The following L1TD1 variants were observed in gnomAD, a reference collection of about 807,000 sequenced individuals.
The protein encoded by L1TD1 is LINE1 type transposase domain containing 1.
A neutral mutation model predicts 25.7 loss-of-function variants in L1TD1; 26 were observed. The ratio of observed to expected loss-of-function variants is 1.01; its 90% CI spans 0.74 to 1.40. The LOEUF (loss-of-function observed/expected upper bound fraction) is 1.40, where lower values mean the gene tolerates loss of function less well. L1TD1 is among the 40% of genes most tolerant of loss of function. The pLI is 0.00. For missense variants in L1TD1, 1,130 were observed against 975.0 expected, an observed-to-expected ratio of 1.16 and a Z score of -2.12; for synonymous variants, 421 against 335.6, an observed-to-expected ratio of 1.25 and a Z score of -2.78.
At chr1:62,200,269 C>A (rs12136917) in intron 2 of L1TD1, among the ~76,000 whole-genome samples, 1 of 152,002 alleles carries the variant, frequency 6.6e-6, no homozygotes, top group Non-Finnish European at 1.5e-5. Context: ...CTCCGCCTCC[C>A]GCATTCAAGC....
chr1:62,207,317 C>T lies in L1TD1; in HGVS notation c.689C>T (p.Ser230Phe). Residue 230 changes from serine (S) to phenylalanine (F), a missense_variant, in exon 3 of 4, where the codon TCC (serine) becomes TTC (phenylalanine). Transcript: ENST00000498273. ...LKNKEEVLKA[S>F]REEKVLMDEG... ...AATAAAGAGGAGGTTTTAAAAGCCTCCAGAGAAGAAAAAGTGTTGATGGAT... is the reference window on the plus strand; with the variant it reads ...AATAAAGAGGAGGTTTTAAAAGCCTTCAGAGAAGAAAAAGTGTTGATGGAT... 6.4e-7 allele frequency: 1 copy of T among 1,550,722 alleles called. No individual in the cohort carries two copies. The highest frequency in any genetic ancestry group is 8.7e-7 in the Non-Finnish European group (1 of 1,146,762).
Position 62,211,269 on chromosome 1 carries a change from A to T in L1TD1, c.2495A>T (p.Asp832Val), listed in dbSNP as rs545834023. 2 of 1,608,990 alleles carry T rather than the reference A, an allele frequency of 1.2e-6. No individual in the cohort carries two copies. The highest frequency in any genetic ancestry group is 2.7e-5 in the African/African-American group (2 of 74,966). Residue 832 changes from aspartate to valine, a missense_variant, in exon 4 of 4, where the codon GAT (aspartate) becomes GTT (valine). Coordinates refer to ENST00000498273, the MANE Select transcript of L1TD1 (RefSeq NM_019079.5). Reference protein sequence around the residue: ...RILYPAKMAFDFRGKTKVFLS... With the variant: ...RILYPAKMAFVFRGKTKVFLS... ...CTATATCCAGCCAAAATGGCATTTG[A>T]TTTTAGGGGTAAAACAAAGGTATTT...
rs531395864 is a variant in L1TD1 at position 62,203,583 on chromosome 1, G to T, written c.-110-2936G>T. The stretch of plus-strand genomic sequence containing the variant: ...GTGCGTGCCACCACGTCTGGCTAAT[G>T]TTTTTTTTCTTTTGAGACGGAGTCT... On this transcript the variant is annotated intron_variant, in intron 2 of 3. Transcript: ENST00000498273. Among the ~76,000 whole-genome samples the T allele has an allele frequency of 4.5e-4, 68 of 151,704 alleles. 1 individual carries two copies. The highest frequency in any genetic ancestry group is 1.9e-3 in the East Asian group (10 of 5,144).
intron 2 of L1TD1, 147 bp from the exon 3 acceptor site, chr1:62,206,372 T>C: frequency 4.6e-6 from 1 of 216,298 alleles, no homozygotes. Context: ...AATTCTAATT[T>C]TCTAATCTTA....
chr1:62,212,298 A>T lies in L1TD1; in HGVS notation c.*926A>T, dbSNP rs750639621. On this transcript the variant is annotated 3_prime_UTR_variant, in exon 4 of 4. Transcript: ENST00000498273. Reference sequence around the variant, plus strand: ...AGTTTGTATCATTTGTCATGATGTGACTCGAATATATTAAATCTTTTTCCT... The same window carrying T: ...AGTTTGTATCATTTGTCATGATGTGTCTCGAATATATTAAATCTTTTTCCT... The T allele has an allele frequency of 1.4e-5, 2 of 145,552 alleles. No homozygotes were observed. Among genetic ancestry groups the T allele is most frequent in the Non-Finnish European group, 1.5e-5 (1 of 65,774 alleles). The allele number at this position is 145,552 out of a possible 1,614,324, so 9.0% of individuals were successfully genotyped here. A position where few individuals can be genotyped will look rare whatever the true frequency, so the allele number is the denominator to read the frequency against.
In L1TD1 at chr1:62,205,371, CTT is replaced by C. The variant is rs1178813010; in HGVS notation, c.-110-1146_-110-1145del. Among the ~76,000 whole-genome samples the C allele has an allele frequency of 1.7e-3, 165 of 97,060 alleles. 1 individual carries two copies. Among genetic ancestry groups the C allele is most frequent in the African/African-American group, 3.4e-3 (91 of 26,700 alleles). 63.7% of individuals were successfully genotyped at this position (97,060 alleles called of 152,430 possible). A position where few individuals can be genotyped will look rare whatever the true frequency, so the allele number is the denominator to read the frequency against. ...ACAAAATAAAACCAACGAAAACTCT[CTT>C]TCTCTCTCTCTCTCTTTCTCTCTCT... On this transcript the variant is annotated intron_variant, in intron 2 of 3. Coordinates refer to ENST00000498273, the MANE Select transcript of L1TD1 (RefSeq NM_019079.5).
At chr1:62,198,055 A>G (rs1014030330) in intron 2 of L1TD1, among the ~76,000 whole-genome samples, 1 of 152,124 alleles carries the variant, frequency 6.6e-6, no homozygotes, top group Non-Finnish European at 1.5e-5. Context: ...AAAAGAAAAT[A>G]GTGTTAAAAG....
At chr1:62,200,196 G>A (rs947622539) in intron 2 of L1TD1, among the ~76,000 whole-genome samples, 3 of 152,084 alleles carry the variant, frequency 2.0e-5, no homozygotes, top group Non-Finnish European at 4.4e-5. Flanking sequence ...GATTATTTGA[G>A]ACGGAGTTTC....
At position 62,206,623 on chromosome 1, in the gene L1TD1, T is replaced by G. The variant is rs1570928068; in HGVS notation, c.-6T>G. The G allele has an allele frequency of 6.7e-7, 1 of 1,492,282 alleles. No homozygotes were observed. Among genetic ancestry groups the G allele is most frequent in the Non-Finnish European group, 8.9e-7 (1 of 1,120,830 alleles). The allele number at this position is 1,492,282 out of a possible 1,614,324, so 92.4% of individuals were successfully genotyped here. A position where few individuals can be genotyped will look rare whatever the true frequency, so the allele number is the denominator to read the frequency against. On this transcript the variant is annotated 5_prime_UTR_variant, in exon 3 of 4. Transcript: ENST00000498273. ...AACAGAATCCAGTCTTGACAACATA[T>G]CCACAATGTCTGATGTATCTACTAG...
intron 3 of L1TD1, 81 bp from the exon 4 acceptor site, chr1:62,209,702 G>A: frequency 8.7e-7 from 1 of 1,155,184 alleles, no homozygotes; most frequent in Non-Finnish European, 1.2e-6. Flanking sequence ...ATTAAAATTA[G>A]TGAAATTGAA....
chr1:62,194,862 A>G lies in L1TD1; in HGVS notation c.-264A>G, dbSNP rs981376770. On this transcript the variant is annotated 5_prime_UTR_variant, in exon 1 of 4. Coordinates refer to ENST00000498273, the MANE Select transcript of L1TD1 (RefSeq NM_019079.5). ...GGGAATCCTCTCAGTCCTTAGTTAC[A>G]AGGCTCCATCCTCACTTTGTTCGCT... The G allele has an allele frequency of 6.6e-6, 1 of 152,372 alleles. No individual in the cohort carries two copies. The highest frequency in any genetic ancestry group is 2.4e-5 in the African/African-American group (1 of 41,432). 9.4% of individuals were successfully genotyped at this position (152,372 alleles called of 1,614,324 possible).
At position 62,202,315 on chromosome 1, in the gene L1TD1, G is replaced by T. The variant is rs141855805; in HGVS notation, c.-110-4204G>T. On this transcript the variant is annotated intron_variant, in intron 2 of 3. Transcript: ENST00000498273. ...AACTTCATCTCAAAAAAAAAAAAAG[G>T]CTGAGGGTGAAATGTGTAATTAATA... is the stretch of plus-strand genomic sequence containing the variant. Among the ~76,000 whole-genome samples, 569 of 151,438 alleles carry T rather than the reference G, an allele frequency of 3.8e-3. 2 individuals are homozygous for T. The highest frequency in any genetic ancestry group is 0.013 in the African/African-American group (541 of 41,382).
At chr1:62,202,770 G>A (rs1295042975) in intron 2 of L1TD1, among the ~76,000 whole-genome samples, 3 of 139,636 alleles carry the variant, frequency 2.1e-5, no homozygotes, top group Non-Finnish European at 3.0e-5. Context: ...TGCAACCTCC[G>A]CCTCCTGGCT....
chr1:62,199,777 A>C (rs1428025664), intron 2 of L1TD1, among the ~76,000 whole-genome samples: 1 of 152,184 alleles, frequency 6.6e-6, no homozygotes, highest in Non-Finnish European at 1.5e-5. Context: ...GTAGTGTTAG[A>C]TAATAGGGCA....
At chr1:62,209,380 C>CT (rs1331799746) in intron 3 of L1TD1, among the ~76,000 whole-genome samples, 2 of 149,948 alleles carry the variant, frequency 1.3e-5, no homozygotes, top group African/African-American at 2.5e-5. Context: ...TATGATCTTC[C>CT]TAAAGCAGAT....
At chr1:62,196,609 T>C (rs1235883471) in intron 2 of L1TD1, 81 bp downstream of exon 2, 1 of 152,246 alleles carries the variant, frequency 6.6e-6, no homozygotes, top group East Asian at 1.9e-4. Flanking sequence ...TTTCATTTTT[T>C]GAGACGGAGT....
rs188923343 is a variant in L1TD1, at chr1:62,208,754, C to T, written c.1009-1029C>T. Among the ~76,000 whole-genome samples the T allele has an allele frequency of 6.6e-5, 10 of 152,308 alleles. No homozygotes were observed. The East Asian group carries it at 1.2e-3, about 18-fold the overall frequency. On this transcript the variant is annotated intron_variant, in intron 3 of 3. Coordinates refer to ENST00000498273, the MANE Select transcript of L1TD1 (RefSeq NM_019079.5). ...TTGGCCTCCCAAAGTGCTGGAATTA[C>T]AGGTGTGAGCCACCATGCCCAGCCA...
At position 62,206,543 on chromosome 1, in the gene L1TD1, A is replaced by G. The variant is rs1670748240; in HGVS notation, c.-86A>G. On this transcript the variant is annotated 5_prime_UTR_variant, in exon 3 of 4. Transcript: ENST00000498273. ...GATTGACGTATTTTAAGATTTTTTT[A>G]ACTTCTGAAGTCTAGCAGGCCTGTA... The G allele has an allele frequency of 3.2e-6, 4 of 1,264,330 alleles. No homozygotes were observed. Among genetic ancestry groups the G allele is most frequent in the Non-Finnish European group, 4.1e-6 (4 of 971,812 alleles). The allele number at this position is 1,264,330 out of a possible 1,614,324, so 78.3% of individuals were successfully genotyped here. A position where few individuals can be genotyped will look rare whatever the true frequency, so the allele number is the denominator to read the frequency against.
chr1:62,211,317 A>G lies in L1TD1; in HGVS notation c.2543A>G (p.Asp848Gly). The part of the protein sequence containing the change: ...KVFLSIEEFR[D>G]YVLHMPTLRE... Reference sequence around the variant, plus strand: ...TTTCTTAGTATTGAAGAATTTAGAGATTATGTTTTGCATATGCCCACCTTG... The same window carrying G: ...TTTCTTAGTATTGAAGAATTTAGAGGTTATGTTTTGCATATGCCCACCTTG... Residue 848 changes from aspartate to glycine, a missense_variant, in exon 4 of 4, where the codon GAT becomes GGT. Transcript: ENST00000498273. 1.9e-6 allele frequency: 3 copies of G among 1,613,174 alleles called. No individual in the cohort carries two copies. In the South Asian group the frequency reaches 3.3e-5, roughly 18 times the overall value.
Sources: allele counts gnomAD v4.1 joint callset (sites outside exome capture counted in the v4.1 genomes callset), GRCh38; gene constraint gnomAD v4.1.1; transcripts MANE v1.5; gene names NCBI Gene and HGNC (gene_info 2026-07-23, HGNC 2026-07-21).